The following BAZ2B variants were observed in gnomAD, a reference collection of about 807,000 sequenced individuals.
BAZ2B encodes the protein bromodomain adjacent to zinc finger domain 2B.
BAZ2B carries 91 observed loss-of-function variants against 246.0 expected under a neutral mutation model. That is an observed-to-expected ratio of 0.37 (90% confidence interval 0.31 to 0.44). BAZ2B has a LOEUF of 0.44. BAZ2B is among the 20% of genes least tolerant of loss of function. The probability of loss-of-function intolerance (pLI) is 1.00; values close to 1 mark genes in which losing one functional copy is unlikely to be tolerated. For missense variants in BAZ2B, 2,332 were observed against 2,533.7 expected (o/e 0.92, Z 1.71); for synonymous variants, 855 against 860.0 (o/e 0.99, Z 0.10).
At chr2:159,653,533 CT>C in the BAZ2B span, among the ~76,000 whole-genome samples, 1 of 152,110 alleles carries the variant, frequency 6.6e-6, no homozygotes, top group Non-Finnish European at 1.5e-5. Context: ...CTAAACAAAA[CT>C]TGAGATAGTC....
chr2:159,489,381 T>C (rs1208246695), intron 2 of BAZ2B, among the ~76,000 whole-genome samples: 4 of 151,744 alleles, frequency 2.6e-5, no homozygotes, highest in African/African-American at 9.7e-5. Context: ...ACAGACAAAA[T>C]AAGCATCGAA....
At chr2:159,370,208 A>C (rs1424043958) in intron 27 of BAZ2B, among the ~76,000 whole-genome samples, 1 of 152,146 alleles carries the variant, frequency 6.6e-6, no homozygotes, top group Non-Finnish European at 1.5e-5. Flanking sequence ...ATTAGGAGAT[A>C]TACCTAATGT....
At chr2:159,472,751 T>C (rs2077975280) in intron 3 of BAZ2B, among the ~76,000 whole-genome samples, 1 of 152,202 alleles carries the variant, frequency 6.6e-6, no homozygotes, top group Non-Finnish European at 1.5e-5. Context: ...ATCGTGTGGA[T>C]TTTGTCATTG....
intron 19 of BAZ2B, chr2:159,396,990 T>G (rs1264269141): frequency 1.8e-6 from 2 of 1,122,150 alleles, no homozygotes; most frequent in Non-Finnish European, 2.4e-6. Context: ...CAGCCAGTGC[T>G]ACACTTTATG....
chr2:159,374,078 T>C (rs1165621989), intron 26 of BAZ2B, among the ~76,000 whole-genome samples: 2 of 12,022 alleles, frequency 1.7e-4, no homozygotes, highest in Non-Finnish European at 5.4e-4. Flanking sequence ...TTTTTTTTCT[T>C]TTTTTTTTTT....
the BAZ2B span, among the ~76,000 whole-genome samples, chr2:159,676,377 T>C: frequency 6.6e-6 from 1 of 152,306 alleles, no homozygotes; most frequent in Middle Eastern, 3.4e-3. Context: ...CTTACTTATA[T>C]TAGTGACTTG....
intron 30 of BAZ2B, 90 bp from the exon 31 acceptor site, chr2:159,347,736 G>T: frequency 8.9e-7 from 1 of 1,121,036 alleles, no homozygotes; most frequent in Non-Finnish European, 1.3e-6. Context: ...AATTCTAGGA[G>T]ACCCATGTAC....
chr2:159,446,643 C>T (rs2074290202), intron 6 of BAZ2B, 139 bp downstream of exon 6: 2 of 683,746 alleles, frequency 2.9e-6, no homozygotes, highest in African/African-American at 1.8e-5. Context: ...CTGGTACTGA[C>T]ACCATAAATC....
At chr2:159,519,080 A>C (rs2083751129) in intron 2 of BAZ2B, among the ~76,000 whole-genome samples, 1 of 152,106 alleles carries the variant, frequency 6.6e-6, no homozygotes, top group Non-Finnish European at 1.5e-5. Context: ...AACATAAGGA[A>C]AGATTCCCCA....
At chr2:159,442,557 T>A (rs947355378) in intron 6 of BAZ2B, among the ~76,000 whole-genome samples, 4 of 152,210 alleles carry the variant, frequency 2.6e-5, no homozygotes, top group African/African-American at 9.6e-5. Flanking sequence ...TTTTAAAGTG[T>A]ATGGTTCAGT....
intron 27 of BAZ2B, among the ~76,000 whole-genome samples, chr2:159,355,716 C>T (rs1485262805): frequency 8.1e-6 from 1 of 123,258 alleles, no homozygotes; most frequent in African/African-American, 3.1e-5. Context: ...TGAATAGGAA[C>T]AGTTCCGGTC....
chr2:159,398,596 T>A (rs2064441195), intron 18 of BAZ2B, among the ~76,000 whole-genome samples: 1 of 152,128 alleles, frequency 6.6e-6, no homozygotes, highest in Non-Finnish European at 1.5e-5. Flanking sequence ...GCATTTCTGA[T>A]TTGATGTCTC....
the BAZ2B span, among the ~76,000 whole-genome samples, chr2:159,704,043 T>G: frequency 2.0e-4 from 31 of 152,296 alleles, 1 homozygote; most frequent in South Asian, 6.2e-3. Flanking sequence ...TTTATGATGA[T>G]GTAATAGAAA....
intron 20 of BAZ2B, among the ~76,000 whole-genome samples, chr2:159,390,616 CAAGAGGGAGA>C (rs1457129853): frequency 6.6e-6 from 1 of 151,858 alleles, no homozygotes; most frequent in East Asian, 1.9e-4. Context: ...GAGGGAAGGC[CAAGAGGGAGA>C]AAGAGAGGAG....
intron 3 of BAZ2B, among the ~76,000 whole-genome samples, chr2:159,474,811 T>C (rs1371230266): frequency 1.3e-5 from 2 of 152,176 alleles, no homozygotes; most frequent in African/African-American, 4.8e-5. Flanking sequence ...TCCTTCGCTG[T>C]TGAAGCTCAG....
intron 1 of BAZ2B, among the ~76,000 whole-genome samples, chr2:159,589,559 A>T (rs1050000166): frequency 2.0e-5 from 3 of 152,240 alleles, no homozygotes; most frequent in Admixed American, 6.5e-5. Flanking sequence ...ATTGTTAACA[A>T]TCGCCTTAGT....
chr2:159,438,892 AAGTAT>A, intron 7 of BAZ2B, 112 bp downstream of exon 7: 1 of 1,268,448 alleles, frequency 7.9e-7, no homozygotes, highest in Non-Finnish European at 1.1e-6. Flanking sequence ...TCTTGGGCAA[AAGTAT>A]GAACTCAAAG....
chr2:159,331,198 G>T (rs1011593020), intron 34 of BAZ2B, among the ~76,000 whole-genome samples: 1 of 152,120 alleles, frequency 6.6e-6, no homozygotes. Context: ...GAGAAGGTAA[G>T]GTATGTGAGC....
At chr2:159,583,094 T>A (rs1687205798) in intron 1 of BAZ2B, among the ~76,000 whole-genome samples, 1 of 149,616 alleles carries the variant, frequency 6.7e-6, no homozygotes, top group African/African-American at 2.5e-5. Context: ...AAATATGAAA[T>A]ATATTCTTTT....
Sources: gnomAD v4.1 joint callset for allele counts (sites outside exome capture counted in the v4.1 genomes callset) on GRCh38, gnomAD v4.1.1 for gene constraint, MANE v1.5 for transcripts, NCBI Gene and HGNC (gene_info 2026-07-23, HGNC 2026-07-21) for gene names.